ACTR3B: variants seen among roughly 807,000 people sequenced by gnomAD.
The protein encoded by ACTR3B is actin-related protein 3B.
In ACTR3B, 8 loss-of-function variants were observed where a neutral mutation model predicts 59.0. That is an observed-to-expected ratio of 0.14 (90% CI 0.08 to 0.24). The LOEUF (loss-of-function observed/expected upper bound fraction) is 0.24, where lower values mean the gene tolerates loss of function less well. Among genes scored for constraint, ACTR3B ranks in the 10% least tolerant of loss-of-function variants. ACTR3B has a pLI of 1.00. For synonymous variants in ACTR3B, 148 were observed against 197.9 expected, an observed-to-expected ratio of 0.75 and a Z score of 2.12; for missense variants, 245 against 552.3, an observed-to-expected ratio of 0.44 and a Z score of 5.58.
At chr7:152,806,639 C>G (rs1205576604) in intron 4 of ACTR3B, among the ~76,000 whole-genome samples, 1 of 152,124 alleles carries the variant, frequency 6.6e-6, no homozygotes, top group East Asian at 1.9e-4. Context: ...CCTCTGTGTT[C>G]CAGGAAGGAG....
At chr7:152,843,702 G>T (rs1390653320) in intron 9 of ACTR3B, among the ~76,000 whole-genome samples, 1 of 152,166 alleles carries the variant, frequency 6.6e-6, no homozygotes, top group Non-Finnish European at 1.5e-5. Flanking sequence ...CTGGACTCTG[G>T]ACTGGAGAGA....
In ACTR3B at chr7:152,854,484, C is replaced by T. The variant is rs778449436; in HGVS notation, c.1188C>T (p.Thr396=). Residue 396 remains threonine, a synonymous_variant, in exon 12 of 12, where the codon ACC becomes ACT. Transcript: ENST00000256001. The surrounding 1 kb of genome is among the most constrained non-coding windows in gnomAD (Gnocchi z 4.9). ...CCGAGTTCTTTCAGGTCTGCCACACCAAGAAGGACTATGAAGAGTACGGGC... is the reference window on the plus strand; with the variant it reads ...CCGAGTTCTTTCAGGTCTGCCACACTAAGAAGGACTATGAAGAGTACGGGC... ...STPEFFQVCH[T]KKDYEEYGPS... The T allele has an allele frequency of 1.9e-6, 3 of 1,614,090 alleles. No individual in the cohort carries two copies. The Admixed American group carries it at 5.0e-5, about 27-fold the overall frequency.
chr7:152,780,723 A>G (rs2098149922), intron 1 of ACTR3B, among the ~76,000 whole-genome samples: 1 of 151,918 alleles, frequency 6.6e-6, no homozygotes, highest in African/African-American at 2.4e-5. Flanking sequence ...CATTTGTTTC[A>G]TACATTTCAT....
rs1349686523 is a variant in ACTR3B, at chr7:152,814,795, T to C, written c.432+150T>C. ...CCCGTCCCCATGCCATTCAGGACTA[T>C]AGGGAACGTGTCCCATGACTTTTCT... On this transcript the variant is annotated intron_variant, in intron 5 of 11. Transcript: ENST00000256001. 3.6e-5 allele frequency: 28 copies of C among 782,472 alleles called. No individual in the cohort carries two copies. The Admixed American group carries it at 8.6e-4, about 24-fold the overall frequency. The allele number at this position is 782,472 out of a possible 1,614,324, so 48.5% of individuals were successfully genotyped here. A position where few individuals can be genotyped will look rare whatever the true frequency, so the allele number is the denominator to read the frequency against.
chr7:152,774,395 C>T (rs772344542), intron 1 of ACTR3B, among the ~76,000 whole-genome samples: 6 of 152,158 alleles, frequency 3.9e-5, no homozygotes, highest in Non-Finnish European at 7.3e-5. Flanking sequence ...CTCGGCCTCC[C>T]GAAGTATTGG....
intron 1 of ACTR3B, among the ~76,000 whole-genome samples, chr7:152,781,686 T>C (rs567066853): frequency 4.6e-5 from 7 of 152,308 alleles, no homozygotes; most frequent in African/African-American, 7.2e-5. Flanking sequence ...TTTATATTTA[T>C]TTTCTGGAAT....
At chr7:152,772,862 A>G (rs2098127446) in intron 1 of ACTR3B, among the ~76,000 whole-genome samples, 1 of 152,026 alleles carries the variant, frequency 6.6e-6, no homozygotes. Context: ...ATAACATGCC[A>G]TAGCAAAATT....
At chr7:152,837,034 G>T (rs1335327528) in intron 9 of ACTR3B, among the ~76,000 whole-genome samples, 1 of 152,202 alleles carries the variant, frequency 6.6e-6, no homozygotes, top group Non-Finnish European at 1.5e-5. Flanking sequence ...AAATTAGCTG[G>T]ATATGGTGGC....
rs150589116 is a variant in ACTR3B, at chr7:152,852,131, C to G, written c.957C>G (p.Val319=). 2 of 1,614,038 alleles carry G rather than the reference C, an allele frequency of 1.2e-6. No individual in the cohort carries two copies. The highest frequency in any genetic ancestry group is 1.7e-6 in the Non-Finnish European group (2 of 1,179,998). The change falls in exon 10 of 12, where the codon GTC becomes GTG. Residue 319 remains valine (V), a synonymous_variant. Coordinates refer to ENST00000256001, the MANE Select transcript of ACTR3B (RefSeq NM_020445.6). ...IDVRRPLYKN[V]VLSGGSTMFR... is the part of the protein sequence containing the mutation. Reference sequence around the variant, plus strand: ...CTCTGCTTTGTGTCTTGTAGAATGTCGTACTCTCAGGAGGCTCCACCATGT... The same window carrying G: ...CTCTGCTTTGTGTCTTGTAGAATGTGGTACTCTCAGGAGGCTCCACCATGT...
intron 9 of ACTR3B, among the ~76,000 whole-genome samples, chr7:152,846,290 T>A (rs1339321391): frequency 6.9e-6 from 1 of 145,448 alleles, no homozygotes; most frequent in African/African-American, 2.6e-5. Flanking sequence ...CAGTCTGTAG[T>A]GAGCTCTAGT....
intron 7 of ACTR3B, among the ~76,000 whole-genome samples, chr7:152,822,327 C>T (rs967984958): frequency 4.6e-5 from 7 of 152,210 alleles, no homozygotes; most frequent in African/African-American, 7.2e-5. Flanking sequence ...CGGCCCACCT[C>T]GTGCTTCCCG....
intron 5 of ACTR3B, among the ~76,000 whole-genome samples, chr7:152,816,061 C>T (rs1490607211): frequency 6.6e-6 from 1 of 152,108 alleles, no homozygotes; most frequent in East Asian, 1.9e-4. Flanking sequence ...ATCCTCCCAC[C>T]TCAGTCTCCC....
intron 1 of ACTR3B, among the ~76,000 whole-genome samples, chr7:152,766,371 G>A (rs1490937315): frequency 6.6e-6 from 1 of 152,200 alleles, no homozygotes; most frequent in African/African-American, 2.4e-5. Flanking sequence ...CAGGCACCCT[G>A]TGCATAGCAC....
At chr7:152,759,991 C>A in intron 1 of ACTR3B, 65 bp downstream of exon 1, 1 of 1,268,856 alleles carries the variant, frequency 7.9e-7, no homozygotes, top group Non-Finnish European at 1.0e-6. Context: ...TGGCGTCCAC[C>A]TCGCCTGGAG....
At chr7:152,823,274 T>C in intron 7 of ACTR3B, 68 bp from the exon 8 acceptor site, 1 of 1,583,808 alleles carries the variant, frequency 6.3e-7, no homozygotes, top group African/African-American at 1.3e-5. Flanking sequence ...GCTTCCTGGT[T>C]ATTTGTCTGA....
chr7:152,818,473 G>A (rs1795885622), intron 6 of ACTR3B, among the ~76,000 whole-genome samples: 1 of 151,638 alleles, frequency 6.6e-6, no homozygotes. Flanking sequence ...TTTTGGAGAT[G>A]GAGTTTCACT....
At position 152,826,830 on chromosome 7, in the gene ACTR3B, A is replaced by T. The variant is rs934405018; in HGVS notation, c.951+1708A>T. The stretch of plus-strand genomic sequence containing the variant: ...AGCCCCTTATTTAGTAGATAATGAC[A>T]CTGAGCCCCAGAGTTGGGAAAAGGT... On this transcript the variant is annotated intron_variant, in intron 9 of 11. Transcript: ENST00000256001. Among the ~76,000 whole-genome samples, 12 of 148,626 alleles carry T rather than the reference A, an allele frequency of 8.1e-5. No homozygotes were observed. The Admixed American group carries it at 8.1e-4, about 10-fold the overall frequency.
chr7:152,847,855 T>G (rs902055491), intron 9 of ACTR3B, among the ~76,000 whole-genome samples: 5 of 152,194 alleles, frequency 3.3e-5, no homozygotes, highest in Non-Finnish European at 7.3e-5. Flanking sequence ...AGACCCTCAC[T>G]AGGAATACCT....
intron 9 of ACTR3B, among the ~76,000 whole-genome samples, chr7:152,829,864 G>A (rs1796887602): frequency 6.6e-6 from 1 of 152,176 alleles, no homozygotes; most frequent in African/African-American, 2.4e-5. Context: ...TAATGTAATG[G>A]ATGTCTTTCT....
Sources: gnomAD v4.1 joint callset for allele counts (sites outside exome capture counted in the v4.1 genomes callset) on GRCh38, gnomAD v4.1.1 for gene constraint, Gnocchi (gnomAD v3.1) non-coding constraint, MANE v1.5 for transcripts, NCBI Gene and HGNC (gene_info 2026-07-23, HGNC 2026-07-21) for gene names.